Variants in MTRES1 observed in about 807,000 individuals in gnomAD.
MTRES1 encodes the protein mitochondrial transcription rescue factor 1.
Under a neutral mutation model 17.4 loss-of-function variants are expected in MTRES1, and 11 were observed. The ratio of observed to expected loss-of-function variants is 0.63; its 90% CI spans 0.40 to 1.05. The LOEUF (loss-of-function observed/expected upper bound fraction) is 1.05, where lower values mean the gene tolerates loss of function less well. Ranked by LOEUF, MTRES1 falls within the 50% of genes least tolerant of loss-of-function variation. The pLI is 0.00. For missense variants in MTRES1, 268 were observed against 276.2 expected, an observed-to-expected ratio of 0.97 and a Z score of 0.21; for synonymous variants, 94 against 99.6, an observed-to-expected ratio of 0.94 and a Z score of 0.34.
chr6:107,034,459 G>GA (rs199941602), intron 1 of MTRES1, among the ~76,000 whole-genome samples: 7 of 20,924 alleles, frequency 3.3e-4, no homozygotes, highest in African/African-American at 6.2e-4. Context: ...TTTTATTCCA[G>GA]AAAAAAAAAA....
intron 1 of MTRES1, among the ~76,000 whole-genome samples, chr6:107,032,184 T>C (rs1250273787): frequency 6.6e-6 from 1 of 152,142 alleles, no homozygotes; most frequent in Non-Finnish European, 1.5e-5. Flanking sequence ...GTGTAATTGC[T>C]TGCTTTTGAA....
At chr6:107,030,768 C>G (rs782464754) in intron 1 of MTRES1, among the ~76,000 whole-genome samples, 2 of 152,226 alleles carry the variant, frequency 1.3e-5, no homozygotes, top group East Asian at 1.9e-4. Flanking sequence ...TGGGAACCCT[C>G]GTGAAGTTCA....
At chr6:107,049,422 T>TA (rs1774511918) in intron 3 of MTRES1, among the ~76,000 whole-genome samples, 1 of 145,814 alleles carries the variant, frequency 6.9e-6, no homozygotes, top group Admixed American at 6.9e-5. Flanking sequence ...TTTTTTTTTT[T>TA]TTTTTTTTGG....
chr6:107,049,408 C>CTTTTTTTTTTTTTTTT (rs782057719), intron 3 of MTRES1, among the ~76,000 whole-genome samples: 2 of 99,364 alleles, frequency 2.0e-5, no homozygotes, highest in African/African-American at 8.0e-5. Flanking sequence ...TATGGCCCTT[C>CTTTTTTTTTTTTTTTT]TTTTTTTTTT....
intron 1 of MTRES1, among the ~76,000 whole-genome samples, chr6:107,035,525 T>G (rs1215146050): frequency 2.0e-5 from 3 of 152,170 alleles, no homozygotes; most frequent in East Asian, 3.8e-4. Context: ...CCTGTGTGTT[T>G]TGGGTGGTTG....
intron 3 of MTRES1, among the ~76,000 whole-genome samples, chr6:107,046,929 C>CTT (rs201405196): frequency 0.27 from 6,581 of 23,948 alleles, 392 homozygotes; most frequent in East Asian, 0.43. Context: ...GGGATTCATT[C>CTT]TTGTGTGTGT....
At chr6:107,044,353 G>C in intron 3 of MTRES1, 21 bp downstream of exon 3, 2 of 1,595,600 alleles carry the variant, frequency 1.3e-6, no homozygotes, top group Admixed American at 1.7e-5. Flanking sequence ...AACCTAAAAT[G>C]ACAGCCAGAT....
At chr6:107,032,390 T>G (rs1359846261) in intron 1 of MTRES1, among the ~76,000 whole-genome samples, 1 of 151,842 alleles carries the variant, frequency 6.6e-6, no homozygotes, top group Non-Finnish European at 1.5e-5. Context: ...CCAGGGGAGG[T>G]TGAACCCTGC....
chr6:107,042,655 G>T (rs1774258565), intron 2 of MTRES1, among the ~76,000 whole-genome samples: 1 of 152,160 alleles, frequency 6.6e-6, no homozygotes, highest in South Asian at 2.1e-4. Context: ...AGTACAAACT[G>T]GCAGAGGGTT....
chr6:107,034,433 G>A (rs1319771793), intron 1 of MTRES1, among the ~76,000 whole-genome samples: 1 of 146,798 alleles, frequency 6.8e-6, no homozygotes, highest in Non-Finnish European at 1.5e-5. Flanking sequence ...CTCTGGTATT[G>A]CACTGGTTGG....
At chr6:107,045,218 A>G (rs370937655) in intron 3 of MTRES1, among the ~76,000 whole-genome samples, 486 of 151,742 alleles carry the variant, frequency 3.2e-3, no homozygotes, top group African/African-American at 0.011. Context: ...GCAGTGACTC[A>G]CACCTGTAAT....
chr6:107,049,509 A>G (rs1286149865), intron 3 of MTRES1, among the ~76,000 whole-genome samples: 1 of 134,268 alleles, frequency 7.4e-6, no homozygotes, highest in Admixed American at 8.6e-5. Context: ...CGCCTCCCGG[A>G]TTCATGCCAT....
At chr6:107,031,826 C>G (rs1773854738) in intron 1 of MTRES1, among the ~76,000 whole-genome samples, 1 of 152,090 alleles carries the variant, frequency 6.6e-6, no homozygotes, top group Admixed American at 6.6e-5. Context: ...GTCTCGAACT[C>G]CCGACCTCAG....
At chr6:107,038,530 T>C (rs311202) in intron 1 of MTRES1, among the ~76,000 whole-genome samples, 144,197 of 152,248 alleles carry the variant, frequency 0.95, 68,472 homozygotes, top group East Asian at 1. Flanking sequence ...TGTCTGCTAG[T>C]TAATGCCTCT....
intron 3 of MTRES1, among the ~76,000 whole-genome samples, chr6:107,046,632 C>T (rs1402721842): frequency 6.6e-6 from 1 of 152,160 alleles, no homozygotes; most frequent in Non-Finnish European, 1.5e-5. Flanking sequence ...GCCTCGCCTT[C>T]CCTGGTCTGC....
intron 2 of MTRES1, 84 bp downstream of exon 2, chr6:107,040,314 ATGG>A (rs1774159880): frequency 8.0e-7 from 1 of 1,254,500 alleles, no homozygotes; most frequent in Non-Finnish European, 1.1e-6. Flanking sequence ...GGCCCATATT[ATGG>A]TGAAGAATAA....
At chr6:107,037,565 A>G (rs1285916614) in intron 1 of MTRES1, among the ~76,000 whole-genome samples, 1 of 152,218 alleles carries the variant, frequency 6.6e-6, no homozygotes, top group Non-Finnish European at 1.5e-5. Context: ...AATTAAATCT[A>G]AAAAATTTAA....
intron 1 of MTRES1, among the ~76,000 whole-genome samples, chr6:107,030,637 A>G (rs992624127): frequency 2.6e-5 from 4 of 151,818 alleles, no homozygotes; most frequent in Admixed American, 1.3e-4. Context: ...ATAAAAAGTC[A>G]CATAGGCACT....
At chr6:107,047,527 CT>C (rs1774433972) in intron 3 of MTRES1, among the ~76,000 whole-genome samples, 1 of 152,064 alleles carries the variant, frequency 6.6e-6, no homozygotes, top group Admixed American at 6.6e-5. Context: ...GCCTATACAC[CT>C]TTTCTTTGTC....
Sources: allele counts gnomAD v4.1 joint callset (sites outside exome capture counted in the v4.1 genomes callset), GRCh38; gene constraint gnomAD v4.1.1; transcripts MANE v1.5; gene names NCBI Gene and HGNC (gene_info 2026-07-23, HGNC 2026-07-21).